The following SCAMP1 variants were observed in gnomAD, a reference collection of about 807,000 sequenced individuals.
SCAMP1 encodes the protein secretory carrier-associated membrane protein 1.
SCAMP1 carries 15 observed loss-of-function variants against 41.8 expected under a neutral mutation model. That is an observed-to-expected ratio of 0.36 (90% CI 0.24 to 0.55). The LOEUF (loss-of-function observed/expected upper bound fraction) is 0.55. SCAMP1 is among the 20% of genes least tolerant of loss of function. The probability of loss-of-function intolerance (pLI) is 0.86; values close to 1 mark genes in which losing one functional copy is unlikely to be tolerated. For synonymous variants in SCAMP1, 135 were observed against 136.8 expected (o/e 0.99, Z 0.09); for missense variants, 341 against 412.6 (o/e 0.83, Z 1.50).
chr5:78,385,841 G>A (rs1751327810), intron 1 of SCAMP1, among the ~76,000 whole-genome samples: 1 of 151,958 alleles, frequency 6.6e-6, no homozygotes, highest in East Asian at 1.9e-4. Context: ...CCTTATATTT[G>A]TTGAGACTTT....
At chr5:78,464,235 C>A (rs931562074) in intron 8 of SCAMP1, among the ~76,000 whole-genome samples, 2 of 152,114 alleles carry the variant, frequency 1.3e-5, no homozygotes, top group Non-Finnish European at 2.9e-5. Context: ...CCTCCAACTC[C>A]CTGGTTCAAG....
At chr5:78,463,202 C>G (rs375206675) in intron 8 of SCAMP1, among the ~76,000 whole-genome samples, 2 of 152,196 alleles carry the variant, frequency 1.3e-5, no homozygotes, top group Non-Finnish European at 2.9e-5. Context: ...ATCCCTTTTC[C>G]AGTTTTCCTC....
chr5:78,410,817 T>C (rs192048865), intron 2 of SCAMP1, among the ~76,000 whole-genome samples: 46 of 152,368 alleles, frequency 3.0e-4, no homozygotes, highest in African/African-American at 1.0e-3. Context: ...TGTTGTTTTC[T>C]GACTTTTTAA....
At chr5:78,382,776 G>GGTGTGTGTGTATGT (rs1751237727) in intron 1 of SCAMP1, among the ~76,000 whole-genome samples, 1 of 130,262 alleles carries the variant, frequency 7.7e-6, no homozygotes, top group East Asian at 2.1e-4. Flanking sequence ...AGTATTCCAT[G>GGTGTGTGTGTATGT]GTGTGTGTGT....
intron 2 of SCAMP1, among the ~76,000 whole-genome samples, chr5:78,391,620 G>C (rs1490473205): frequency 6.6e-6 from 1 of 152,200 alleles, no homozygotes; most frequent in Non-Finnish European, 1.5e-5. Flanking sequence ...CCGGGCAGAG[G>C]CTGCACTCCC....
intron 6 of SCAMP1, among the ~76,000 whole-genome samples, chr5:78,446,257 A>G (rs980552663): frequency 6.6e-6 from 1 of 152,206 alleles, no homozygotes; most frequent in African/African-American, 2.4e-5. Context: ...GTTTTTGAGT[A>G]GGACTTCTTA....
At chr5:78,388,807 C>G in intron 1 of SCAMP1, 30 bp from the exon 2 acceptor site, 1 of 1,197,724 alleles carries the variant, frequency 8.3e-7, no homozygotes, top group South Asian at 1.4e-5. Context: ...GATAAGTAAT[C>G]TTTTTTTTCT....
chr5:78,381,207 G>A (rs1038310992), intron 1 of SCAMP1, among the ~76,000 whole-genome samples: 1 of 152,242 alleles, frequency 6.6e-6, no homozygotes, highest in Admixed American at 6.5e-5. Context: ...TGAGCGTGGA[G>A]TGGAGAGACT....
intron 6 of SCAMP1, among the ~76,000 whole-genome samples, chr5:78,442,600 A>C (rs1430737460): frequency 2.6e-5 from 4 of 152,156 alleles, no homozygotes; most frequent in African/African-American, 4.8e-5. Context: ...AATAGCTTGG[A>C]AACAGTCCAT....
rs1253648111 is a variant in SCAMP1, at chr5:78,433,411, G to A, written c.632+11451G>A. ...GGATAGCAAATCCCATCCTCCTCAGGGCACAGCTGAAGACCCACTGGACAT... is the reference window on the plus strand; with the variant it reads ...GGATAGCAAATCCCATCCTCCTCAGAGCACAGCTGAAGACCCACTGGACAT... On this transcript the variant is annotated intron_variant, in intron 6 of 8. Coordinates refer to ENST00000621999, the MANE Select transcript of SCAMP1 (RefSeq NM_004866.6). Among the ~76,000 whole-genome samples, 3 of 152,206 alleles carry A rather than the reference G, an allele frequency of 2.0e-5. No individual in the cohort carries two copies. The East Asian group carries it at 5.8e-4, about 29-fold the overall frequency.
rs760819639 is a variant in SCAMP1, at chr5:78,459,316, C to T, written c.806C>T (p.Ala269Val). ...GGAATCATGATGATAATCATAGCAG[C>T]ACTTTTCACAGCATCAGCAGTCATC... ...PVGIMMIIIA[A>V]LFTASAVISL... The change falls in exon 8 of 9, where the codon GCA (alanine) becomes GTA (valine). Residue 269 changes from alanine (A) to valine (V), a missense_variant. Physicochemically the swap from Ala to Val is moderately conservative, Grantham distance 64 (BLOSUM62 0). Transcript: ENST00000621999. 7 of 1,607,024 alleles carry T rather than the reference C, an allele frequency of 4.4e-6. No homozygotes were observed. Among genetic ancestry groups the T allele is most frequent in the South Asian group, 2.2e-5 (2 of 90,636 alleles).
At chr5:78,380,374 C>A (rs1442726617) in intron 1 of SCAMP1, among the ~76,000 whole-genome samples, 1 of 152,170 alleles carries the variant, frequency 6.6e-6, no homozygotes, top group African/African-American at 2.4e-5. Flanking sequence ...TGCCAACTTG[C>A]CCTCCATAAA....
chr5:78,375,151 A>G (rs2112057382), intron 1 of SCAMP1, among the ~76,000 whole-genome samples: 1 of 152,230 alleles, frequency 6.6e-6, no homozygotes, highest in African/African-American at 2.4e-5. Flanking sequence ...GTTTAATCAA[A>G]TTGTCTAGTG....
rs1455953441 is a variant in SCAMP1, at chr5:78,460,792, C to CTTTCTTTCTTTCTTT, written c.852+1430_852+1431insTTTCTTTCTTTCTTT. Among the ~76,000 whole-genome samples the CTTTCTTTCTTTCTTT allele has an allele frequency of 3.8e-3, 133 of 34,606 alleles. 2 individuals carry two copies. The highest frequency in any genetic ancestry group is 0.016 in the East Asian group (12 of 774). 22.7% of individuals were successfully genotyped at this position (34,606 alleles called of 152,430 possible). A position where few individuals can be genotyped will look rare whatever the true frequency, so the allele number is the denominator to read the frequency against. ...TCCTTCCTTCCTTCCTTCCTTCCTT[C>CTTTCTTTCTTTCTTT]CTTCCTTCCTTCCTCCCTTCCTTCC... On this transcript the variant is annotated intron_variant, in intron 8 of 8. Transcript: ENST00000621999.
chr5:78,414,357 A>G (rs775080783), intron 2 of SCAMP1, among the ~76,000 whole-genome samples: 12 of 151,944 alleles, frequency 7.9e-5, no homozygotes, highest in Non-Finnish European at 1.5e-4. Flanking sequence ...ATCTTAGCTC[A>G]CTGCAACCTC....
intron 7 of SCAMP1, 148 bp from the exon 8 acceptor site, chr5:78,459,097 G>T (rs536354759): frequency 3.3e-6 from 2 of 607,114 alleles, no homozygotes; most frequent in African/African-American, 1.9e-5. Context: ...TATCCTATTG[G>T]GTGGGTTGTG....
intron 1 of SCAMP1, among the ~76,000 whole-genome samples, chr5:78,374,924 C>G (rs1751029003): frequency 6.6e-6 from 1 of 152,040 alleles, no homozygotes. Flanking sequence ...AAAAGTTTCG[C>G]TAAATACACT....
chr5:78,392,567 G>GT (rs1751547745), intron 2 of SCAMP1, among the ~76,000 whole-genome samples: 1 of 152,192 alleles, frequency 6.6e-6, no homozygotes, highest in Non-Finnish European at 1.5e-5. Flanking sequence ...AGACTTTATA[G>GT]TTACAAAAAG....
chr5:78,441,705 G>A (rs10942855), intron 6 of SCAMP1, among the ~76,000 whole-genome samples: 123,506 of 152,224 alleles, frequency 0.81, 50,685 homozygotes, highest in East Asian at 0.92. Flanking sequence ...GCACGTGCCT[G>A]TAATGCCAGC....
Sources: gnomAD v4.1 joint callset for allele counts (sites outside exome capture counted in the v4.1 genomes callset) on GRCh38, gnomAD v4.1.1 for gene constraint, MANE v1.5 for transcripts, NCBI Gene and HGNC (gene_info 2026-07-23, HGNC 2026-07-21) for gene names.